Variants in FBXO8 observed in about 807,000 individuals in gnomAD.
The protein encoded by FBXO8 is F-box protein 8.
In FBXO8, 15 loss-of-function variants were observed where a neutral mutation model predicts 33.4. That is an observed-to-expected ratio of 0.45 (90% CI 0.30 to 0.69). FBXO8 has a LOEUF of 0.69. FBXO8 is among the 30% of genes least tolerant of loss of function. The pLI, the probability that FBXO8 is intolerant of heterozygous loss-of-function variation, is 0.08. For missense variants in FBXO8, 274 were observed against 380.3 expected (o/e 0.72, Z 2.32); for synonymous variants, 132 against 131.5 (o/e 1.00, Z -0.02).
rs574090641 is a variant in FBXO8 at position 174,270,750 on chromosome 4, G to T, written c.-8-7650C>A. On this transcript the variant is annotated intron_variant, in intron 1 of 5. Transcript: ENST00000393674. This position sits in a 1 kb window ranked among gnomAD's most constrained non-coding sequence, Gnocchi z 4.6. ...TCCTGTCTCAGCCTCCCGAGTGCTGGGATTACAGGCACCTGCCACCACGCC... is the reference window on the plus strand; with the variant it reads ...TCCTGTCTCAGCCTCCCGAGTGCTGTGATTACAGGCACCTGCCACCACGCC... 6.6e-6 allele frequency among the ~76,000 whole-genome samples: 1 copy of T among 151,926 alleles called. No individual in the cohort carries two copies. The highest frequency in any genetic ancestry group is 1.9e-4 in the East Asian group (1 of 5,170).
rs574831035 is a variant in FBXO8, at chr4:174,240,942, C to T, written c.575+158G>A. On this transcript the variant is annotated intron_variant, in intron 4 of 5. Transcript: ENST00000393674. ...TTCCTCATCAACAAGTCAAAGCTCA[C>T]GAAAGAAATGATGTGTGAGATATAG... is the stretch of plus-strand genomic sequence containing the variant. Among the ~76,000 whole-genome samples, 5 of 151,690 alleles carry T rather than the reference C, an allele frequency of 3.3e-5. 1 individual carries two copies. Among genetic ancestry groups the T allele is most frequent in the African/African-American group, 4.8e-5 (2 of 41,492 alleles).
Position 174,267,534 on chromosome 4 carries a change from G to A in FBXO8, c.-8-4434C>T, listed in dbSNP as rs1012402091. ...TGCACTCCAGCCTGAGTGACAGAGT[G>A]AGACCTTGCCTCTAAAAAAAATTAA... is the stretch of plus-strand genomic sequence containing the variant. On this transcript the variant is annotated intron_variant, in intron 1 of 5. Transcript: ENST00000393674. This position sits in a 1 kb window ranked among gnomAD's most constrained non-coding sequence, Gnocchi z 4.7. Among the ~76,000 whole-genome samples, 4 of 152,094 alleles carry A rather than the reference G, an allele frequency of 2.6e-5. No individual in the cohort carries two copies. The highest frequency in any genetic ancestry group is 2.0e-4 in the Admixed American group (3 of 15,260).
chr4:174,242,192 A>G (rs185016846), intron 3 of FBXO8, among the ~76,000 whole-genome samples: 10 of 151,772 alleles, frequency 6.6e-5, no homozygotes, highest in Admixed American at 2.0e-4. Context: ...CGTATTATAT[A>G]CACACAACAT....
At chr4:174,280,954 A>C (rs181854593) in intron 1 of FBXO8, among the ~76,000 whole-genome samples, 1 of 152,324 alleles carries the variant, frequency 6.6e-6, no homozygotes, top group Non-Finnish European at 1.5e-5. Flanking sequence ...GATGGTGTTG[A>C]TGGTGGCACA....
intron 1 of FBXO8, among the ~76,000 whole-genome samples, chr4:174,282,948 T>C (rs1282885787): frequency 6.6e-6 from 1 of 152,320 alleles, no homozygotes; most frequent in East Asian, 1.9e-4. Flanking sequence ...TAACCCAAGT[T>C]TGACTACTGT....
At chr4:174,280,103 A>T (rs1240964342) in intron 1 of FBXO8, among the ~76,000 whole-genome samples, 2 of 152,158 alleles carry the variant, frequency 1.3e-5, no homozygotes. Flanking sequence ...ATCTGATAAA[A>T]TCTAATATCT....
rs1020873514 is a variant in FBXO8 at position 174,265,825 on chromosome 4, G to A, written c.-8-2725C>T. Among the ~76,000 whole-genome samples, 1 of 152,010 alleles carries A rather than the reference G, an allele frequency of 6.6e-6. No homozygotes were observed. Among genetic ancestry groups the A allele is most frequent in the Non-Finnish European group, 1.5e-5 (1 of 67,986 alleles). ...ACATTTTAAGTCTACTAATCATAAAGAAAAGTATTTTATTTTCACCATTGC... is the reference window on the plus strand; with the variant it reads ...ACATTTTAAGTCTACTAATCATAAAAAAAAGTATTTTATTTTCACCATTGC... On this transcript the variant is annotated intron_variant, in intron 1 of 5. Coordinates refer to ENST00000393674, the MANE Select transcript of FBXO8 (RefSeq NM_012180.3). This position sits in a 1 kb window ranked among gnomAD's most constrained non-coding sequence, Gnocchi z 4.7.
At chr4:174,243,609 C>A (rs1467046252) in intron 3 of FBXO8, among the ~76,000 whole-genome samples, 1 of 150,162 alleles carries the variant, frequency 6.7e-6, no homozygotes, top group Non-Finnish European at 1.5e-5. Context: ...AATACCACAG[C>A]ATGAGGTCTG....
rs762035764 is a variant in FBXO8, at chr4:174,259,709, T to C, written c.446A>G (p.Asn149Ser). 3.9e-5 allele frequency: 63 copies of C among 1,609,812 alleles called. No individual in the cohort carries two copies. The highest frequency in any genetic ancestry group is 5.3e-5 in the Non-Finnish European group (62 of 1,178,342). Reference protein sequence around the residue: ...LDEGSLTFNANPDEGVNYFMS... With the variant: ...LDEGSLTFNASPDEGVNYFMS... Reference sequence around the variant, plus strand: ...AAGTTCTTCACTAACCTCATCTGGGTTGGCATTAAAGGTGAGGCTGCCTTC... The same window carrying C: ...AAGTTCTTCACTAACCTCATCTGGGCTGGCATTAAAGGTGAGGCTGCCTTC... The change falls in exon 3 of 6, where the codon AAC becomes AGC. Residue 149 changes from asparagine to serine, a missense_variant. Physicochemically the swap from Asn to Ser is conservative, Grantham distance 46 (BLOSUM62 1). Around this residue, in one of 2 missense-constraint regions of FBXO8, gnomAD observed 186 missense variants for 293.4 expected, o/e 0.63. Coordinates refer to ENST00000393674, the MANE Select transcript of FBXO8 (RefSeq NM_012180.3). The surrounding 1 kb of genome is among the most constrained non-coding windows in gnomAD (Gnocchi z 4.3).
rs1415822280 is a variant in FBXO8 at position 174,277,074 on chromosome 4, C to T, written c.-9+6336G>A. Among the ~76,000 whole-genome samples, 1 of 152,084 alleles carries T rather than the reference C, an allele frequency of 6.6e-6. No homozygotes were observed. The highest frequency in any genetic ancestry group is 2.4e-5 in the African/African-American group (1 of 41,426). On this transcript the variant is annotated intron_variant, in intron 1 of 5. Coordinates refer to ENST00000393674, the MANE Select transcript of FBXO8 (RefSeq NM_012180.3). This position sits in a 1 kb window ranked among gnomAD's most constrained non-coding sequence, Gnocchi z 4.9. ...AGTTTTAGTCTAACCAAGTCTGTTA[C>T]AACAGCATAAAAGCGCTTCCACTTA...
intron 1 of FBXO8, among the ~76,000 whole-genome samples, chr4:174,279,021 C>T (rs147031598): frequency 6.6e-6 from 1 of 151,794 alleles, no homozygotes; most frequent in Admixed American, 6.6e-5. Context: ...TCCCTAAGGT[C>T]TTTTTTAGCT....
rs1178568817 is a variant in FBXO8, at chr4:174,261,239, C to A, written c.330-1414G>T. 6.6e-6 allele frequency among the ~76,000 whole-genome samples: 1 copy of A among 151,852 alleles called. No individual in the cohort carries two copies. Among genetic ancestry groups the A allele is most frequent in the African/African-American group, 2.4e-5 (1 of 41,388 alleles). On this transcript the variant is annotated intron_variant, in intron 2 of 5. Coordinates refer to ENST00000393674, the MANE Select transcript of FBXO8 (RefSeq NM_012180.3). The surrounding 1 kb of genome is among the most constrained non-coding windows in gnomAD (Gnocchi z 4.1). Reference sequence around the variant, plus strand: ...TTGTGAAAACCAGAGAACTTCCCAACATCAATGAGTATTCAATACATCCAA... The same window carrying A: ...TTGTGAAAACCAGAGAACTTCCCAAAATCAATGAGTATTCAATACATCCAA...
At chr4:174,250,725 G>A (rs1312348742) in intron 3 of FBXO8, among the ~76,000 whole-genome samples, 2 of 152,118 alleles carry the variant, frequency 1.3e-5, no homozygotes, top group African/African-American at 2.4e-5. Context: ...GTTGATGGAT[G>A]TCTTACAATT....
intron 1 of FBXO8, among the ~76,000 whole-genome samples, chr4:174,271,438 C>T (rs1206831410): frequency 1.3e-5 from 2 of 152,100 alleles, no homozygotes; most frequent in Non-Finnish European, 2.9e-5. Flanking sequence ...AAAATGTCCC[C>T]CTTGTATGAT....
intron 1 of FBXO8, among the ~76,000 whole-genome samples, chr4:174,279,651 C>T (rs1214939205): frequency 6.6e-6 from 1 of 152,022 alleles, no homozygotes; most frequent in Non-Finnish European, 1.5e-5. Context: ...TAAAAAGAGA[C>T]ATACAGACCA....
chr4:174,273,864 T>C lies in FBXO8; in HGVS notation c.-9+9546A>G, dbSNP rs1183176938. ...AGTTTAAGAATTATTATTATTATTA[T>C]TACCTTAGGGCTCAGTGTAATACAG... On this transcript the variant is annotated intron_variant, in intron 1 of 5. Transcript: ENST00000393674. Among the ~76,000 whole-genome samples, 5 of 152,140 alleles carry C rather than the reference T, an allele frequency of 3.3e-5. No homozygotes were observed. In the East Asian group the frequency reaches 9.6e-4, roughly 29 times the overall value.
rs1370992212 is a variant in FBXO8 at position 174,259,853 on chromosome 4, A to G, written c.330-28T>C. 1 of 1,555,548 alleles carries G rather than the reference A, an allele frequency of 6.4e-7. No homozygotes were observed. The highest frequency in any genetic ancestry group is 2.3e-5 in the East Asian group (1 of 43,030). On this transcript the variant is annotated intron_variant, in intron 2 of 5. Transcript: ENST00000393674. The surrounding 1 kb of genome is among the most constrained non-coding windows in gnomAD (Gnocchi z 4.3). ...ATAAAATCAGAGAAAATGAGACAAG[A>G]AAACATTACTACATTTAATTTCCTA...
chr4:174,282,222 G>A (rs548842755), intron 1 of FBXO8, among the ~76,000 whole-genome samples: 1 of 152,280 alleles, frequency 6.6e-6, no homozygotes, highest in East Asian at 1.9e-4. Flanking sequence ...TATGATCAAT[G>A]TTTTGGCTTA....
At position 174,262,183 on chromosome 4, in the gene FBXO8, C is replaced by A. The variant is rs1486433824; in HGVS notation, c.329+581G>T. Among the ~76,000 whole-genome samples the A allele has an allele frequency of 6.6e-6, 1 of 152,028 alleles. No homozygotes were observed. The highest frequency in any genetic ancestry group is 1.5e-5 in the Non-Finnish European group (1 of 67,968). ...ATAAAAACAACTATTTGTCCCCTTG[C>A]TTTCTAATATTTGCCTACTTCATTG... On this transcript the variant is annotated intron_variant, in intron 2 of 5. Coordinates refer to ENST00000393674, the MANE Select transcript of FBXO8 (RefSeq NM_012180.3). This position sits in a 1 kb window ranked among gnomAD's most constrained non-coding sequence, Gnocchi z 4.6.
Sources: allele counts gnomAD v4.1 joint callset (sites outside exome capture counted in the v4.1 genomes callset), GRCh38; gene constraint gnomAD v4.1.1; regional missense constraint gnomAD v4.1.1; non-coding constraint Gnocchi (gnomAD v3.1); transcripts MANE v1.5; gene names NCBI Gene and HGNC (gene_info 2026-07-23, HGNC 2026-07-21).